The following NELL1 variants were observed in gnomAD, a reference collection of about 807,000 sequenced individuals.
The protein encoded by NELL1 is protein kinase C-binding protein NELL1.
In NELL1, 76 loss-of-function variants were observed where a neutral mutation model predicts 107.4. The ratio of observed to expected loss-of-function variants is 0.71; its 90% CI spans 0.59 to 0.86. NELL1 has a LOEUF of 0.86. Among genes scored for constraint, NELL1 ranks in the 40% least tolerant of loss-of-function variants. NELL1 has a pLI of 0.00. For synonymous variants in NELL1, 353 were observed against 341.2 expected, an observed-to-expected ratio of 1.03 and a Z score of -0.38; for missense variants, 1,024 against 1,005.5, an observed-to-expected ratio of 1.02 and a Z score of -0.25.
At chr11:21,502,458 C>A (rs1357259482) in intron 15 of NELL1, among the ~76,000 whole-genome samples, 4 of 152,206 alleles carry the variant, frequency 2.6e-5, no homozygotes, top group African/African-American at 9.6e-5. Context: ...ACTTTCTCTG[C>A]ATGACTCAGA....
intron 12 of NELL1, among the ~76,000 whole-genome samples, chr11:20,996,503 A>G (rs1277032767): frequency 6.6e-6 from 1 of 152,112 alleles, no homozygotes. Context: ...CCATTTGCTC[A>G]CCTGCCTGGG....
At chr11:21,301,945 G>A (rs1403825292) in intron 14 of NELL1, among the ~76,000 whole-genome samples, 1 of 152,004 alleles carries the variant, frequency 6.6e-6, no homozygotes, top group Non-Finnish European at 1.5e-5. Context: ...AGAAATTGAG[G>A]TACTAATATG....
chr11:21,316,926 T>A (rs768238514), intron 14 of NELL1, among the ~76,000 whole-genome samples: 1 of 152,122 alleles, frequency 6.6e-6, no homozygotes, highest in Non-Finnish European at 1.5e-5. Flanking sequence ...TGGGAACACA[T>A]ACATTATTAT....
intron 13 of NELL1, among the ~76,000 whole-genome samples, chr11:21,187,889 C>T (rs1161896298): frequency 2.6e-5 from 4 of 151,798 alleles, no homozygotes; most frequent in South Asian, 2.1e-4. Context: ...ATATCATGCA[C>T]TTTAGTAGAT....
chr11:21,571,025 T>A, intron 18 of NELL1, 85 bp downstream of exon 18: 1 of 1,259,694 alleles, frequency 7.9e-7, no homozygotes, highest in Non-Finnish European at 1.1e-6. Flanking sequence ...TAGTTCCCAG[T>A]TTTTCATAAT....
intron 2 of NELL1, among the ~76,000 whole-genome samples, chr11:20,771,500 G>C (rs921537597): frequency 6.6e-6 from 1 of 152,158 alleles, no homozygotes; most frequent in Non-Finnish European, 1.5e-5. Flanking sequence ...CCTGTGGTTT[G>C]ACATATCGCT....
chr11:21,403,142 C>A (rs1334402574), intron 15 of NELL1, among the ~76,000 whole-genome samples: 1 of 151,728 alleles, frequency 6.6e-6, no homozygotes, highest in Non-Finnish European at 1.5e-5. Flanking sequence ...TTTTCATTAT[C>A]TTAGATTATA....
At chr11:21,076,110 T>G (rs1199988650) in intron 12 of NELL1, among the ~76,000 whole-genome samples, 3 of 152,232 alleles carry the variant, frequency 2.0e-5, no homozygotes, top group Non-Finnish European at 2.9e-5. Context: ...GAAAAACAGC[T>G]GTGGAAACGG....
rs371897047 is a variant in NELL1, at chr11:21,534,558, C to T, written c.1786+44C>T. 4.4e-5 allele frequency: 70 copies of T among 1,606,190 alleles called. No homozygotes were observed. The African/African-American group carries it at 8.7e-4, about 20-fold the overall frequency. ...TGCCCTCCAACTGCTTGGACCTTTG[C>T]AGGAGGTGTGGCTTGCTTTGGTACT... On this transcript the variant is annotated intron_variant, in intron 16 of 19. Coordinates refer to ENST00000357134, the MANE Select transcript of NELL1 (RefSeq NM_006157.5).
chr11:20,864,523 G>T (rs1465023784), intron 4 of NELL1, among the ~76,000 whole-genome samples: 1 of 152,234 alleles, frequency 6.6e-6, no homozygotes, highest in Admixed American at 6.5e-5. Flanking sequence ...CTTGATCAAA[G>T]AGGGGAAAGA....
intron 3 of NELL1, among the ~76,000 whole-genome samples, chr11:20,789,932 G>A (rs2133989652): frequency 6.6e-6 from 1 of 152,292 alleles, no homozygotes; most frequent in Non-Finnish European, 1.5e-5. Flanking sequence ...TTTCAGCAGA[G>A]AGGAGGCCCT....
intron 17 of NELL1, among the ~76,000 whole-genome samples, chr11:21,568,084 T>C (rs1269999876): frequency 6.6e-6 from 1 of 151,778 alleles, no homozygotes. Context: ...ATCAACATCA[T>C]AGAGTATATT....
chr11:20,918,805 C>A (rs1158749108), intron 6 of NELL1, among the ~76,000 whole-genome samples: 1 of 151,962 alleles, frequency 6.6e-6, no homozygotes, highest in African/African-American at 2.4e-5. Flanking sequence ...CAACCCATAT[C>A]ATTTATTGAA....
intron 12 of NELL1, among the ~76,000 whole-genome samples, chr11:20,975,897 C>A (rs1242259231): frequency 1.9e-5 from 2 of 102,724 alleles, no homozygotes; most frequent in African/African-American, 8.3e-5. Flanking sequence ...ATTATATATA[C>A]ATATATGTGT....
intron 11 of NELL1, among the ~76,000 whole-genome samples, chr11:20,948,321 G>A (rs913328521): frequency 1.3e-5 from 2 of 151,922 alleles, no homozygotes; most frequent in African/African-American, 4.8e-5. Flanking sequence ...CCAAGGTGTT[G>A]GGAGTACAGG....
At chr11:21,571,585 C>T (rs538319222) in intron 18 of NELL1, among the ~76,000 whole-genome samples, 2 of 151,802 alleles carry the variant, frequency 1.3e-5, no homozygotes, top group Non-Finnish European at 2.9e-5. Flanking sequence ...ATTGTTAATA[C>T]TTCCTACCTT....
At chr11:21,056,560 T>C (rs768120260) in intron 12 of NELL1, among the ~76,000 whole-genome samples, 12 of 152,204 alleles carry the variant, frequency 7.9e-5, no homozygotes, top group Non-Finnish European at 7.3e-5. Context: ...GTTGTTATAA[T>C]ACAGTCTTCT....
At chr11:21,049,204 T>G (rs186521664) in intron 12 of NELL1, among the ~76,000 whole-genome samples, 19 of 152,268 alleles carry the variant, frequency 1.2e-4, no homozygotes, top group Middle Eastern at 3.4e-3. Flanking sequence ...CAGAGGCAGC[T>G]CTTCTCCACT....
intron 12 of NELL1, among the ~76,000 whole-genome samples, chr11:21,032,600 G>A (rs1852989752): frequency 6.6e-6 from 1 of 152,112 alleles, no homozygotes; most frequent in Non-Finnish European, 1.5e-5. Flanking sequence ...ATGTTGGCCA[G>A]GCTGGTCTCA....
Sources: gnomAD v4.1 joint callset for allele counts (sites outside exome capture counted in the v4.1 genomes callset) on GRCh38, gnomAD v4.1.1 for gene constraint, MANE v1.5 for transcripts, NCBI Gene and HGNC (gene_info 2026-07-23, HGNC 2026-07-21) for gene names.